Variants in CSMD3 observed in about 807,000 individuals in gnomAD.
The protein encoded by CSMD3 is CUB and sushi domain-containing protein 3.
In CSMD3, 177 loss-of-function variants were observed where a neutral mutation model predicts 435.2. The ratio of observed to expected loss-of-function variants is 0.41; its 90% confidence interval spans 0.36 to 0.46. CSMD3 has a LOEUF of 0.46. Ranked by LOEUF, CSMD3 falls within the 20% of genes least tolerant of loss-of-function variation. The pLI is 0.34. For synonymous variants in CSMD3, 1,656 were observed against 1,520.5 expected, an observed-to-expected ratio of 1.09 and a Z score of -2.07; for missense variants, 4,265 against 4,504.6, an observed-to-expected ratio of 0.95 and a Z score of 1.52.
At chr8:113,118,061 A>G (rs910814427) in intron 4 of CSMD3, among the ~76,000 whole-genome samples, 3 of 152,130 alleles carry the variant, frequency 2.0e-5, no homozygotes, top group African/African-American at 7.2e-5. Context: ...AGTTCTTCCT[A>G]TGATTGATTA....
intron 5 of CSMD3, among the ~76,000 whole-genome samples, chr8:113,033,769 G>A (rs1376976427): frequency 1.3e-5 from 2 of 151,078 alleles, no homozygotes; most frequent in Admixed American, 6.6e-5. Context: ...ATTTGGGAGG[G>A]TCTGGGGTGG....
intron 17 of CSMD3, among the ~76,000 whole-genome samples, chr8:112,656,845 CAT>C (rs530211531): frequency 3.8e-4 from 58 of 152,042 alleles, no homozygotes; most frequent in Non-Finnish European, 7.1e-4. Context: ...TGCCTTTAAA[CAT>C]GTGATAAAGT....
intron 13 of CSMD3, among the ~76,000 whole-genome samples, chr8:112,702,440 T>C (rs1016047647): frequency 6.6e-6 from 1 of 152,160 alleles, no homozygotes; most frequent in African/African-American, 2.4e-5. Flanking sequence ...AATCATAGGA[T>C]AATCCATATT....
intron 1 of CSMD3, among the ~76,000 whole-genome samples, chr8:113,400,632 G>C (rs1263394581): frequency 3.3e-5 from 5 of 151,806 alleles, no homozygotes; most frequent in African/African-American, 4.8e-5. Context: ...GAATGGATTG[G>C]ATAGCAATAG....
intron 1 of CSMD3, among the ~76,000 whole-genome samples, chr8:113,432,882 C>T (rs983797372): frequency 2.6e-5 from 4 of 152,204 alleles, no homozygotes; most frequent in African/African-American, 9.6e-5. Context: ...CACCCACCCT[C>T]GGAGACTCCT....
intron 35 of CSMD3, among the ~76,000 whole-genome samples, chr8:112,402,761 ATG>A (rs1321101981): frequency 6.6e-6 from 1 of 152,202 alleles, no homozygotes; most frequent in Non-Finnish European, 1.5e-5. Context: ...AGTTATTATT[ATG>A]TGTCTGTCTT....
intron 27 of CSMD3, among the ~76,000 whole-genome samples, chr8:112,518,345 T>TAAA (rs1164303612): frequency 7.0e-6 from 1 of 142,526 alleles, no homozygotes; most frequent in Non-Finnish European, 1.5e-5. Flanking sequence ...TAGAAAAAAT[T>TAAA]AAAAAAAAAA....
intron 22 of CSMD3, among the ~76,000 whole-genome samples, chr8:112,608,179 A>G (rs1485043226): frequency 1.3e-5 from 2 of 152,150 alleles, no homozygotes; most frequent in African/African-American, 4.8e-5. Context: ...TTCAAAAAAG[A>G]CATTAAGAAA....
At chr8:112,354,730 T>G (rs1826431397) in intron 38 of CSMD3, among the ~76,000 whole-genome samples, 1 of 152,194 alleles carries the variant, frequency 6.6e-6, no homozygotes, top group Non-Finnish European at 1.5e-5. Context: ...CATTCCATGC[T>G]CATGAATTGG....
At chr8:112,754,832 T>C (rs1196286318) in intron 13 of CSMD3, among the ~76,000 whole-genome samples, 1 of 152,222 alleles carries the variant, frequency 6.6e-6, no homozygotes, top group East Asian at 1.9e-4. Flanking sequence ...CAAAGTCTCA[T>C]ATGAGCACTT....
chr8:112,593,449 A>G (rs1831374898), intron 22 of CSMD3, among the ~76,000 whole-genome samples: 1 of 152,196 alleles, frequency 6.6e-6, no homozygotes, highest in Admixed American at 6.5e-5. Flanking sequence ...GGTAGAGAAG[A>G]CAATGAGTGG....
chr8:112,402,846 AT>A (rs1226779572), intron 35 of CSMD3, among the ~76,000 whole-genome samples: 1 of 152,206 alleles, frequency 6.6e-6, no homozygotes, highest in African/African-American at 2.4e-5. Flanking sequence ...TCACAGACAT[AT>A]AGAAACATTT....
chr8:112,941,985 T>C (rs1309960977), intron 9 of CSMD3, among the ~76,000 whole-genome samples: 2 of 151,662 alleles, frequency 1.3e-5, no homozygotes. Flanking sequence ...TACATTAGGG[T>C]TCACTCTTTG....
intron 5 of CSMD3, among the ~76,000 whole-genome samples, chr8:113,021,438 A>G (rs757901568): frequency 6.6e-6 from 1 of 152,212 alleles, no homozygotes; most frequent in Non-Finnish European, 1.5e-5. Flanking sequence ...TTCGATGAAC[A>G]TGAATATCCG....
At chr8:112,392,313 T>TC (rs1554665585) in intron 35 of CSMD3, among the ~76,000 whole-genome samples, 3 of 38,610 alleles carry the variant, frequency 7.8e-5, no homozygotes, top group Non-Finnish European at 1.7e-4. Context: ...GGGCAATTAC[T>TC]CAAAAAAAAA....
intron 13 of CSMD3, among the ~76,000 whole-genome samples, chr8:112,726,797 G>A (rs893280427): frequency 5.9e-5 from 9 of 151,406 alleles, no homozygotes; most frequent in Admixed American, 3.3e-4. Context: ...AAAAAGATAC[G>A]GAAAAAAGGA....
chr8:113,263,169 T>C (rs531429863), intron 3 of CSMD3, among the ~76,000 whole-genome samples: 1 of 151,934 alleles, frequency 6.6e-6, no homozygotes, highest in Non-Finnish European at 1.5e-5. Context: ...ACACGTGAAA[T>C]AAAGTCTTCA....
chr8:112,392,864 C>CTTTTTT (rs56809581), intron 35 of CSMD3, among the ~76,000 whole-genome samples: 4 of 122,168 alleles, frequency 3.3e-5, no homozygotes, highest in African/African-American at 6.2e-5. Flanking sequence ...TCTTTTTTTT[C>CTTTTTT]TTTTTTTTTT....
intron 13 of CSMD3, among the ~76,000 whole-genome samples, chr8:112,768,321 A>C (rs1483231723): frequency 6.6e-6 from 1 of 151,872 alleles, no homozygotes; most frequent in African/African-American, 2.4e-5. Context: ...AAACTAAAAA[A>C]CAGTGAAGAT....
Sources: gnomAD v4.1 joint callset for allele counts (sites outside exome capture counted in the v4.1 genomes callset) on GRCh38, gnomAD v4.1.1 for gene constraint, MANE v1.5 for transcripts, NCBI Gene and HGNC (gene_info 2026-07-23, HGNC 2026-07-21) for gene names.